PCDHGA4: variants seen among roughly 807,000 people sequenced by gnomAD.
The protein encoded by PCDHGA4 is protocadherin gamma subfamily A, 4.
Under a neutral mutation model 54.6 loss-of-function variants are expected in PCDHGA4, and 38 were observed. The ratio of observed to expected loss-of-function variants is 0.70; its 90% CI spans 0.54 to 0.91. The LOEUF (loss-of-function observed/expected upper bound fraction) is 0.91. PCDHGA4 is among the 40% of genes least tolerant of loss of function. The pLI is 0.00. For missense variants in PCDHGA4, 1,298 were observed against 1,220.9 expected, an observed-to-expected ratio of 1.06 and a Z score of -0.94; for synonymous variants, 511 against 512.9, an observed-to-expected ratio of 1.00 and a Z score of 0.05.
At chr5:141,506,969 A>G (rs923725359) in intron 3 of PCDHGA4, 7 of 152,208 alleles carry the variant, frequency 4.6e-5, no homozygotes, top group Non-Finnish European at 8.8e-5. Flanking sequence ...ATAGCTCTGC[A>G]AGGCAGGTCT....
Position 141,432,108 on chromosome 5 carries a change from C to G in PCDHGA4, c.2515-62699C>G. ...GTGGCAGACACCAACGACAACCCGC[C>G]GGTCTTCCCTCAGGCCTCCTATTCC... On this transcript the variant is annotated intron_variant, in intron 1 of 3. Coordinates refer to ENST00000571252, the MANE Select transcript of PCDHGA4 (RefSeq NM_018917.4). The surrounding 1 kb of genome is among the most constrained non-coding windows in gnomAD (Gnocchi z 6.0). 4 of 1,614,180 alleles carry G rather than the reference C, an allele frequency of 2.5e-6. No homozygotes were observed. The highest frequency in any genetic ancestry group is 3.4e-6 in the Non-Finnish European group (4 of 1,180,046).
At chr5:141,421,520 A>G (rs749034718) in intron 1 of PCDHGA4, 2 of 1,614,068 alleles carry the variant, frequency 1.2e-6, no homozygotes, top group Non-Finnish European at 8.5e-7. Flanking sequence ...GAGCTCTGTG[A>G]GACGGTGTCC....
chr5:141,484,530 A>G (rs1406516272), intron 1 of PCDHGA4, among the ~76,000 whole-genome samples: 1 of 152,200 alleles, frequency 6.6e-6, no homozygotes, highest in East Asian at 1.9e-4. Context: ...TTTTGAGTAT[A>G]TGGCAGTGGT....
At chr5:141,395,111 T>G in intron 1 of PCDHGA4, 1 of 1,613,670 alleles carries the variant, frequency 6.2e-7, no homozygotes, top group Middle Eastern at 1.7e-4. Flanking sequence ...CGCGGAAGAG[T>G]CACCTGATCT....
chr5:141,409,217 G>T (rs1394491727), intron 1 of PCDHGA4: 3 of 1,613,852 alleles, frequency 1.9e-6, no homozygotes, highest in Non-Finnish European at 2.5e-6. Flanking sequence ...AGAAATCCTT[G>T]ATGAAAACGA....
intron 1 of PCDHGA4, chr5:141,384,575 C>G (rs754018989): frequency 6.2e-7 from 1 of 1,614,258 alleles, no homozygotes; most frequent in East Asian, 2.2e-5. Context: ...AATGACAACC[C>G]GCCCGAGATC....
chr5:141,437,434 G>A (rs183505868), intron 1 of PCDHGA4, among the ~76,000 whole-genome samples: 409 of 152,312 alleles, frequency 2.7e-3, no homozygotes, highest in Middle Eastern at 6.8e-3. Flanking sequence ...AGCAGCAATA[G>A]CATAGGAATG....
At chr5:141,483,361 A>G (rs752805137) in intron 1 of PCDHGA4, among the ~76,000 whole-genome samples, 1 of 152,102 alleles carries the variant, frequency 6.6e-6, no homozygotes, top group South Asian at 2.1e-4. Context: ...TTTGAAAGCT[A>G]TTGCAATATT....
chr5:141,509,882 GTGAC>G (rs1186067105), intron 3 of PCDHGA4, among the ~76,000 whole-genome samples: 1 of 152,182 alleles, frequency 6.6e-6, no homozygotes, highest in Non-Finnish European at 1.5e-5. Context: ...GGTGGTGATG[GTGAC>G]TGACTGTCCC....
intron 1 of PCDHGA4, chr5:141,404,242 G>T (rs372976589): frequency 1.2e-6 from 2 of 1,613,462 alleles, no homozygotes; most frequent in Non-Finnish European, 1.7e-6. Flanking sequence ...GAGGAACTCC[G>T]CCCCTGTCCA....
At chr5:141,444,152 A>ATTTTTTTTTTTTTTTTT (rs747671382) in intron 1 of PCDHGA4, among the ~76,000 whole-genome samples, 1 of 33,898 alleles carries the variant, frequency 3.0e-5, no homozygotes, top group African/African-American at 1.4e-4. Context: ...TGTGTACTGG[A>ATTTTTTTTTTTTTTTTT]TTTTTTTTTT....
rs1176011355 is a variant in PCDHGA4 at position 141,485,491 on chromosome 5, G to A, written c.2515-9316G>A. The A allele has an allele frequency of 1.2e-6, 2 of 1,614,142 alleles. No individual in the cohort carries two copies. Among genetic ancestry groups the A allele is most frequent in the Non-Finnish European group, 1.7e-6 (2 of 1,180,040 alleles). On this transcript the variant is annotated intron_variant, in intron 1 of 3. Transcript: ENST00000571252. This position sits in a 1 kb window ranked among gnomAD's most constrained non-coding sequence, Gnocchi z 5.7. ...TCAGTGCCAGCTGCATCGTGCCCCT[G>A]GAGTTTGTCACCGAAGGTCCTTTGG...
intron 1 of PCDHGA4, chr5:141,389,975 CTCAGT>C: frequency 6.2e-7 from 1 of 1,614,060 alleles, no homozygotes; most frequent in South Asian, 1.1e-5. Flanking sequence ...TGGCCTTGAT[CTCAGT>C]GCTCTTCCTC....
intron 1 of PCDHGA4, among the ~76,000 whole-genome samples, chr5:141,456,572 C>T (rs958661783): frequency 6.6e-6 from 1 of 152,168 alleles, no homozygotes; most frequent in Non-Finnish European, 1.5e-5. Flanking sequence ...CCACATTTTC[C>T]CTGAGCCTGT....
In PCDHGA4 at chr5:141,488,435, C is replaced by T. The variant is rs111661764; in HGVS notation, c.2515-6372C>T. Among the ~76,000 whole-genome samples, 87 of 152,276 alleles carry T rather than the reference C, an allele frequency of 5.7e-4. 1 individual carries two copies. The highest frequency in any genetic ancestry group is 1.6e-3 in the African/African-American group (67 of 41,546). On this transcript the variant is annotated intron_variant, in intron 1 of 3. Transcript: ENST00000571252. ...AAGCCATCCATGCTTGGCCTCTGAC[C>T]ACCCTCCTGGGTGACCTGATTCAGC...
At chr5:141,424,094 A>G (rs1036391991) in intron 1 of PCDHGA4, 11 of 864,422 alleles carry the variant, frequency 1.3e-5, no homozygotes, top group Non-Finnish European at 1.4e-5. Context: ...ATTATTTGCT[A>G]TTACTGCTAA....
At chr5:141,441,127 G>A (rs1224106490) in intron 1 of PCDHGA4, 2 of 152,138 alleles carry the variant, frequency 1.3e-5, no homozygotes, top group African/African-American at 2.4e-5. Context: ...AGTTGAGACC[G>A]AATTTCTAGA....
At chr5:141,390,266 A>C in intron 1 of PCDHGA4, 2 of 1,614,010 alleles carry the variant, frequency 1.2e-6, no homozygotes, top group East Asian at 4.5e-5. Context: ...ATTCCAGTGA[A>C]TTGACTTCCC....
intron 3 of PCDHGA4, among the ~76,000 whole-genome samples, chr5:141,506,282 C>G (rs1422321122): frequency 6.6e-6 from 1 of 152,040 alleles, no homozygotes; most frequent in East Asian, 1.9e-4. Flanking sequence ...AACCCTGTCT[C>G]TACTAAAAAT....
Sources: allele counts gnomAD v4.1 joint callset (sites outside exome capture counted in the v4.1 genomes callset), GRCh38; gene constraint gnomAD v4.1.1; non-coding constraint Gnocchi (gnomAD v3.1); transcripts MANE v1.5; gene names NCBI Gene and HGNC (gene_info 2026-07-23, HGNC 2026-07-21).